The following ARHGEF3 variants were observed in gnomAD, a reference collection of about 807,000 sequenced individuals.
ARHGEF3 encodes the protein 59.8 kDA protein.
ARHGEF3 carries 28 observed loss-of-function variants against 63.2 expected under a neutral mutation model. The observed-to-expected ratio is 0.44, with a 90% CI of 0.33 to 0.61. ARHGEF3 has a LOEUF of 0.61. Ranked by LOEUF, ARHGEF3 falls within the 20% of genes least tolerant of loss-of-function variation. ARHGEF3 has a pLI of 0.03. For missense variants in ARHGEF3, 533 were observed against 659.3 expected, an observed-to-expected ratio of 0.81 and a Z score of 2.10; for synonymous variants, 266 against 254.2, an observed-to-expected ratio of 1.05 and a Z score of -0.44.
chr3:57,073,983 T>G (rs1478247214), intron 1 of ARHGEF3: 2 of 1,614,086 alleles, frequency 1.2e-6, no homozygotes, highest in Non-Finnish European at 8.5e-7. Context: ...CATCGCTGTA[T>G]CCCAAATAAA....
chr3:56,850,885 G>A (rs1184535937), intron 4 of ARHGEF3, among the ~76,000 whole-genome samples: 1 of 152,136 alleles, frequency 6.6e-6, no homozygotes, highest in Non-Finnish European at 1.5e-5. Flanking sequence ...ACAACATTAT[G>A]AGGTAGGCAC....
At chr3:56,911,680 G>A (rs2041856223) in intron 3 of ARHGEF3, among the ~76,000 whole-genome samples, 1 of 152,004 alleles carries the variant, frequency 6.6e-6, no homozygotes, top group South Asian at 2.1e-4. Context: ...TAGAATAGTG[G>A]CTTTAAAATG....
At chr3:56,948,427 T>TA (rs1326315516) in intron 3 of ARHGEF3, among the ~76,000 whole-genome samples, 1 of 151,988 alleles carries the variant, frequency 6.6e-6, no homozygotes, top group Non-Finnish European at 1.5e-5. Context: ...ATAGGTGCAA[T>TA]AAAAAATGAT....
chr3:57,059,214 T>C (rs894039723), intron 1 of ARHGEF3, among the ~76,000 whole-genome samples: 2 of 152,108 alleles, frequency 1.3e-5, no homozygotes, highest in African/African-American at 4.8e-5. Flanking sequence ...AATATATTCA[T>C]TACTTGTATT....
chr3:56,780,369 A>G (rs952542561), intron 1 of ARHGEF3, among the ~76,000 whole-genome samples: 2 of 152,214 alleles, frequency 1.3e-5, no homozygotes, highest in Non-Finnish European at 2.9e-5. Context: ...TCTTAGATTT[A>G]CAGAAGAGTT....
At chr3:57,056,048 C>G (rs1356713191) in intron 1 of ARHGEF3, among the ~76,000 whole-genome samples, 4 of 149,938 alleles carry the variant, frequency 2.7e-5, no homozygotes, top group Admixed American at 6.6e-5. Flanking sequence ...GCAGACATAG[C>G]CCCTACTGTC....
In ARHGEF3 at chr3:57,001,915, G is replaced by GTTTTTTTTTTTTTTTTTTTTT. The variant is rs1410825594; in HGVS notation, c.62+33172_62+33173insAAAAAAAAAAAAAAAAAAAAA. On this transcript the variant is annotated intron_variant, in intron 2 of 12. Coordinates refer to the ARHGEF3 transcript ENST00000338458. The stretch of plus-strand genomic sequence containing the variant: ...AAATCCTAAAACCCAAAGTGAGATA[G>GTTTTTTTTTTTTTTTTTTTTT]TTTTTTTTTTTTTTGTTTTTTGTTT... Among the ~76,000 whole-genome samples the GTTTTTTTTTTTTTTTTTTTTT allele has an allele frequency of 2.2e-4, 12 of 53,718 alleles. 6 individuals carry two copies. The highest frequency in any genetic ancestry group is 2.7e-4 in the Non-Finnish European group (8 of 29,174). 35.2% of individuals were successfully genotyped at this position (53,718 alleles called of 152,430 possible). A position where few individuals can be genotyped will look rare whatever the true frequency, so the allele number is the denominator to read the frequency against.
chr3:56,881,458 C>T (rs2040763263), intron 4 of ARHGEF3, among the ~76,000 whole-genome samples: 2 of 152,156 alleles, frequency 1.3e-5, no homozygotes, highest in African/African-American at 2.4e-5. Flanking sequence ...ATAATGAGGG[C>T]ATCAGAGGCC....
intron 4 of ARHGEF3, among the ~76,000 whole-genome samples, chr3:56,842,368 C>T (rs1392188063): frequency 6.6e-6 from 1 of 152,180 alleles, no homozygotes; most frequent in Admixed American, 6.5e-5. Context: ...GCATCAATTA[C>T]ATGCTTTGCA....
intron 3 of ARHGEF3, among the ~76,000 whole-genome samples, chr3:56,921,500 T>C (rs6445840): frequency 0.97 from 147,971 of 152,334 alleles, 72,002 homozygotes; most frequent in East Asian, 1. Context: ...ATAAAAAGAA[T>C]ATCAAATTAG....
At chr3:57,073,829 C>A in intron 1 of ARHGEF3, 4 of 1,614,234 alleles carry the variant, frequency 2.5e-6, no homozygotes, top group Non-Finnish European at 3.4e-6. Context: ...AACATCCCAA[C>A]AAACCCCACT....
intron 1 of ARHGEF3, among the ~76,000 whole-genome samples, chr3:57,037,405 C>A (rs145496809): frequency 1.3e-5 from 2 of 152,320 alleles, no homozygotes; most frequent in East Asian, 1.9e-4. Flanking sequence ...AGGGACTTTA[C>A]ACCCACATTC....
intron 1 of ARHGEF3, among the ~76,000 whole-genome samples, chr3:56,789,636 T>C (rs1328641242): frequency 6.6e-6 from 1 of 152,256 alleles, no homozygotes; most frequent in Non-Finnish European, 1.5e-5. Context: ...AGAACATGCC[T>C]TGTTCACTGT....
At chr3:56,984,844 C>T (rs960244044) in intron 2 of ARHGEF3, among the ~76,000 whole-genome samples, 1 of 152,228 alleles carries the variant, frequency 6.6e-6, no homozygotes, top group Non-Finnish European at 1.5e-5. Flanking sequence ...GAGGGGAGCC[C>T]GGCCTTGGAC....
At chr3:56,792,851 C>T (rs2037155765) in intron 1 of ARHGEF3, among the ~76,000 whole-genome samples, 1 of 151,440 alleles carries the variant, frequency 6.6e-6, no homozygotes, top group Admixed American at 6.6e-5. Context: ...CAAGGTCTTG[C>T]TATGTTGCGC....
In ARHGEF3 at chr3:56,855,029, T is replaced by C. The variant is rs149746037; in HGVS notation, c.192+27263A>G. 3.2e-3 allele frequency among the ~76,000 whole-genome samples: 491 copies of C among 152,204 alleles called. 5 individuals carry two copies. Among genetic ancestry groups the C allele is most frequent in the Middle Eastern group, 0.027 (8 of 294 alleles). ...TCAGAGTGGAAAAAGTCACTAGATATGGCCATGGCAAGACCTGGTGGCCAA... is the reference window on the plus strand; with the variant it reads ...TCAGAGTGGAAAAAGTCACTAGATACGGCCATGGCAAGACCTGGTGGCCAA... On this transcript the variant is annotated intron_variant, in intron 4 of 12. Coordinates refer to the ARHGEF3 transcript ENST00000338458.
Position 57,020,433 on chromosome 3 carries a change from A to T in ARHGEF3, c.62+14655T>A, listed in dbSNP as rs766603464. On this transcript the variant is annotated intron_variant, in intron 2 of 12. Coordinates refer to the ARHGEF3 transcript ENST00000338458. The stretch of plus-strand genomic sequence containing the variant: ...GTGGGTGACAGCACCTGGCCTTCCC[A>T]TTGGGGGACCACCCCTCCCTCACTC... Among the ~76,000 whole-genome samples the T allele has an allele frequency of 4.3e-4, 65 of 152,076 alleles. 1 individual carries two copies. The highest frequency in any genetic ancestry group is 8.8e-5 in the Non-Finnish European group (6 of 67,994).
intron 1 of ARHGEF3, among the ~76,000 whole-genome samples, chr3:56,797,878 G>A (rs890750323): frequency 1.3e-5 from 2 of 152,188 alleles, no homozygotes; most frequent in Admixed American, 6.5e-5. Context: ...TCCCACAAAG[G>A]TAAACACCCT....
chr3:57,073,917 G>T, intron 1 of ARHGEF3: 1 of 1,614,204 alleles, frequency 6.2e-7, no homozygotes, highest in Non-Finnish European at 8.5e-7. Flanking sequence ...ATTTCAGGGG[G>T]ATGTGTGCCA....
Sources: gnomAD v4.1 joint callset for allele counts (sites outside exome capture counted in the v4.1 genomes callset) on GRCh38, gnomAD v4.1.1 for gene constraint, MANE v1.5 for transcripts, NCBI Gene and HGNC (gene_info 2026-07-23, HGNC 2026-07-21) for gene names.